The following WDR48 variants were observed in gnomAD, a reference collection of about 807,000 sequenced individuals.
WDR48 encodes WD repeat domain 48.
WDR48 carries 22 observed loss-of-function variants against 94.0 expected under a neutral mutation model. The observed-to-expected ratio is 0.23, with a 90% CI of 0.17 to 0.33. WDR48 has a LOEUF of 0.33. Among genes scored for constraint, WDR48 ranks in the 10% least tolerant of loss-of-function variants. WDR48 has a pLI of 1.00. For synonymous variants in WDR48, 278 were observed against 280.5 expected (o/e 0.99, Z 0.09); for missense variants, 541 against 813.8 (o/e 0.66, Z 4.08).
At chr3:39,070,873 C>T (rs2033891871) in intron 7 of WDR48, among the ~76,000 whole-genome samples, 1 of 152,066 alleles carries the variant, frequency 6.6e-6, no homozygotes, top group Admixed American at 6.5e-5. Context: ...TGATGTTCCC[C>T]TTCCTGTGTC....
Position 39,088,155 on chromosome 3 carries a change from AG to A in WDR48, c.1503del (p.Lys502ArgfsTer14). Reference protein sequence around the residue: ...HVNGEQENRVQKGNGYFQVPP... With the variant: ...HVNGEQENRVXKGNGYFQVPP... ...AATGGGGAGCAGGAGAACCGAGTGC[AG>A]AAGGGAAATGGATATTTTCAAGTGC... On this transcript the variant is annotated frameshift_variant, in exon 15 of 19. Transcript: ENST00000302313. LOFTEE classifies it high-confidence loss of function. 1 of 1,614,180 alleles carries A rather than the reference AG, an allele frequency of 6.2e-7. No individual in the cohort carries two copies. The highest frequency in any genetic ancestry group is 8.5e-7 in the Non-Finnish European group (1 of 1,180,030).
intron 17 of WDR48, among the ~76,000 whole-genome samples, chr3:39,092,643 A>G (rs565532442): frequency 1.3e-5 from 2 of 152,312 alleles, no homozygotes; most frequent in East Asian, 3.9e-4. Context: ...GGGAGACCCA[A>G]GAGAAGAATT....
chr3:39,079,391 A>G (rs758366705), intron 10 of WDR48, among the ~76,000 whole-genome samples: 1 of 152,218 alleles, frequency 6.6e-6, no homozygotes, highest in Non-Finnish European at 1.5e-5. Context: ...TCCTGTCATC[A>G]TTTTGACTTT....
At chr3:39,085,301 C>T (rs2034756229) in intron 13 of WDR48, among the ~76,000 whole-genome samples, 1 of 152,006 alleles carries the variant, frequency 6.6e-6, no homozygotes, top group Non-Finnish European at 1.5e-5. Context: ...TAGAATATGT[C>T]TTTGCTCCAT....
chr3:39,085,118 T>G (rs2034744815), intron 13 of WDR48, among the ~76,000 whole-genome samples: 1 of 151,996 alleles, frequency 6.6e-6, no homozygotes, highest in African/African-American at 2.4e-5. Context: ...TCCCAGCTAT[T>G]CGGGAGGCTG....
chr3:39,079,067 A>T (rs1200947427), intron 10 of WDR48, among the ~76,000 whole-genome samples: 1 of 152,086 alleles, frequency 6.6e-6, no homozygotes, highest in Non-Finnish European at 1.5e-5. Context: ...TGACTTTTAA[A>T]GTGGACTTTC....
intron 1 of WDR48, among the ~76,000 whole-genome samples, chr3:39,061,884 G>T (rs75673409): frequency 0.14 from 20,966 of 146,830 alleles, 1,728 homozygotes; most frequent in African/African-American, 0.23. Context: ...GTCTGCTGCA[G>T]AAATGTCTTC....
Position 39,072,159 on chromosome 3 carries a change from A to G in WDR48, c.672+2415A>G, listed in dbSNP as rs1431230301. On this transcript the variant is annotated intron_variant, in intron 7 of 18. Coordinates refer to ENST00000302313, the MANE Select transcript of WDR48 (RefSeq NM_020839.4). ...TTGCCTGATTCTTTTGTTGTAGAATAAGATTCTTATTTACCAAATTTATTT... is the reference window on the plus strand; with the variant it reads ...TTGCCTGATTCTTTTGTTGTAGAATGAGATTCTTATTTACCAAATTTATTT... 3.3e-5 allele frequency among the ~76,000 whole-genome samples: 5 copies of G among 152,228 alleles called. No individual in the cohort carries two copies. In the East Asian group the frequency reaches 9.6e-4, roughly 29 times the overall value.
At chr3:39,069,972 G>A (rs1216062167) in intron 7 of WDR48, among the ~76,000 whole-genome samples, 1 of 152,184 alleles carries the variant, frequency 6.6e-6, no homozygotes, top group Non-Finnish European at 1.5e-5. Context: ...TGATGCAGAT[G>A]AGTATATGCA....
chr3:39,085,476 C>T, intron 13 of WDR48, 39 bp from the exon 14 acceptor site: 1 of 1,532,088 alleles, frequency 6.5e-7, no homozygotes, highest in Non-Finnish European at 9.0e-7. Context: ...AAGTAACTCG[C>T]TTTTCCATTT....
At chr3:39,052,131 C>T in intron 1 of WDR48, 58 bp downstream of exon 1, 4 of 1,604,162 alleles carry the variant, frequency 2.5e-6, no homozygotes, top group East Asian at 2.2e-5. Flanking sequence ...GGGCCCACTC[C>T]AGCTAGAAGG....
In WDR48 at chr3:39,077,172, G is replaced by T; in HGVS notation, c.931G>T (p.Ala311Ser). Residue 311 changes from alanine to serine, a missense_variant, in exon 9 of 19, where the codon GCA becomes TCA. Physicochemically the swap from Ala to Ser is moderately conservative, Grantham distance 99. Coordinates refer to ENST00000302313, the MANE Select transcript of WDR48 (RefSeq NM_020839.4). The stretch of plus-strand genomic sequence containing the variant: ...TGATAGATCAGCTGATCCTCCTCCT[G>T]CAATTTGGGTTGCAACAACTAAGTC... ...ELDRSADPPP[A>S]IWVATTKSTV... 6.2e-7 allele frequency: 1 copy of T among 1,614,142 alleles called. No individual in the cohort carries two copies. Among genetic ancestry groups the T allele is most frequent in the South Asian group, 1.1e-5 (1 of 91,084 alleles).
At chr3:39,070,685 ATCT>A (rs942295454) in intron 7 of WDR48, among the ~76,000 whole-genome samples, 4 of 132,702 alleles carry the variant, frequency 3.0e-5, no homozygotes, top group Admixed American at 7.4e-5. Context: ...GATGTGAAGG[ATCT>A]TTTTTTTTTT....
rs112099793 is a variant in WDR48 at position 39,077,270 on chromosome 3, C to T, written c.972+57C>T. 6.5e-4 allele frequency: 1,026 copies of T among 1,588,946 alleles called. 11 individuals are homozygous for T. The African/African-American group carries it at 0.013, about 20-fold the overall frequency. ...TAAACATGTATTTTGTTATCACAGA[C>T]CTGTAGACGCCAGTTGCAAATGCTC... On this transcript the variant is annotated intron_variant, in intron 9 of 18. Transcript: ENST00000302313.
intron 15 of WDR48, among the ~76,000 whole-genome samples, chr3:39,089,014 T>C (rs1443351390): frequency 6.6e-6 from 1 of 152,182 alleles, no homozygotes; most frequent in Non-Finnish European, 1.5e-5. Flanking sequence ...AGCTGTAGTG[T>C]ATGCCTGGCC....
chr3:39,064,703 T>A (rs2033491177), intron 2 of WDR48, among the ~76,000 whole-genome samples: 1 of 152,218 alleles, frequency 6.6e-6, no homozygotes, highest in African/African-American at 2.4e-5. Flanking sequence ...TTTAAAAGTT[T>A]GTGTCTTTTT....
chr3:39,067,010 C>T (rs1008326034), intron 5 of WDR48, 135 bp downstream of exon 5: 23 of 1,065,994 alleles, frequency 2.2e-5, no homozygotes, highest in Non-Finnish European at 2.7e-5. Context: ...CTACAGCGTT[C>T]TGGCCCCCAA....
rs1192577329 is a variant in WDR48 at position 39,084,636 on chromosome 3, T to C, written c.1282-9T>C. ...AAATGGGATGCCACTAAGTTTTTTC[T>C]TTTGATAGATGTTAACTATTACTTT... On this transcript the variant is annotated splice_polypyrimidine_tract_variant and intron_variant, in intron 12 of 18. Coordinates refer to ENST00000302313, the MANE Select transcript of WDR48 (RefSeq NM_020839.4). 1.2e-6 allele frequency: 2 copies of C among 1,611,606 alleles called. No individual in the cohort carries two copies. The highest frequency in any genetic ancestry group is 1.7e-6 in the Non-Finnish European group (2 of 1,179,076).
Position 39,093,707 on chromosome 3 carries a change from CTG to C in WDR48, c.1746-165_1746-164del, listed in dbSNP as rs752547327. ...ACATAAACTGTGTCTTAGAAGGACACTGTAGAAAATCTTTCCGCAGCTCTAAA... is the reference window on the plus strand; with the variant it reads ...ACATAAACTGTGTCTTAGAAGGACACTAGAAAATCTTTCCGCAGCTCTAAA... On this transcript the variant is annotated intron_variant, in intron 17 of 18. Transcript: ENST00000302313. Among the ~76,000 whole-genome samples the C allele has an allele frequency of 3.9e-5, 6 of 152,300 alleles. No individual in the cohort carries two copies. The South Asian group carries it at 6.2e-4, about 16-fold the overall frequency.
Sources: allele counts gnomAD v4.1 joint callset (sites outside exome capture counted in the v4.1 genomes callset), GRCh38; gene constraint gnomAD v4.1.1; transcripts MANE v1.5; gene names NCBI Gene and HGNC (gene_info 2026-07-23, HGNC 2026-07-21).